TENM2: variants seen among roughly 807,000 people sequenced by gnomAD.
The protein encoded by TENM2 is teneurin-2.
Under a neutral mutation model 245.2 loss-of-function variants are expected in TENM2, and 52 were observed. The observed-to-expected ratio is 0.21, with a 90% confidence interval of 0.17 to 0.27. The LOEUF is 0.27. Ranked by LOEUF, TENM2 falls within the 10% of genes least tolerant of loss-of-function variation. The pLI is 1.00. For missense variants in TENM2, 3,046 were observed against 3,666.8 expected (o/e 0.83, Z 4.37); for synonymous variants, 1,363 against 1,438.9 (o/e 0.95, Z 1.19).
the TENM2 span, among the ~76,000 whole-genome samples, chr5:167,145,843 C>T: frequency 5.3e-5 from 8 of 152,160 alleles, no homozygotes; most frequent in Admixed American, 5.2e-4. Flanking sequence ...CCATGTTCCC[C>T]TTCAGCACCG....
chr5:167,243,610 C>T, the TENM2 span, among the ~76,000 whole-genome samples: 2 of 152,252 alleles, frequency 1.3e-5, no homozygotes, highest in South Asian at 4.1e-4. Context: ...CACTTAGTCA[C>T]CTCCTCTGGA....
At position 167,353,400 on chromosome 5, in the gene TENM2, A is replaced by G. The variant is rs1759062222; in HGVS notation, c.227-21798A>G. Among the ~76,000 whole-genome samples the G allele has an allele frequency of 2.0e-5, 3 of 150,808 alleles. No individual in the cohort carries two copies. In the South Asian group the frequency reaches 6.3e-4, roughly 32 times the overall value. ...AAAGCAGACAAGTAAAAATACACAA[A>G]TTTTTACATACATTTCTCATCTGAT... is the stretch of plus-strand genomic sequence containing the variant. On this transcript the variant is annotated intron_variant, in intron 1 of 28. Coordinates refer to ENST00000518659, the Ensembl canonical transcript of TENM2.
intron 1 of TENM2, among the ~76,000 whole-genome samples, chr5:167,317,670 G>T (rs755205552): frequency 6.6e-6 from 1 of 152,098 alleles, no homozygotes; most frequent in South Asian, 2.1e-4. Flanking sequence ...CACATTCATC[G>T]CATGCACTTG....
chr5:168,125,172 C>T, intron 11 of TENM2, 122 bp downstream of exon 13: 1 of 804,412 alleles, frequency 1.2e-6, no homozygotes, highest in Non-Finnish European at 2.0e-6. Context: ...TTTGATGAAT[C>T]ACATTGTGTC....
intron 7 of TENM2, among the ~76,000 whole-genome samples, chr5:168,077,991 A>C (rs947662429): frequency 6.6e-6 from 1 of 152,198 alleles, no homozygotes; most frequent in African/African-American, 2.4e-5. Context: ...TAGATCCTTG[A>C]GGAATTGCCA....
chr5:167,717,222 CT>C (rs1259341584), intron 2 of TENM2, among the ~76,000 whole-genome samples: 4 of 152,108 alleles, frequency 2.6e-5, no homozygotes, highest in Non-Finnish European at 5.9e-5. Flanking sequence ...TCCCAAAGTG[CT>C]AGGATTACAG....
At chr5:167,510,946 A>T (rs1017143259) in intron 2 of TENM2, among the ~76,000 whole-genome samples, 2 of 122,984 alleles carry the variant, frequency 1.6e-5, no homozygotes, top group Non-Finnish European at 2.1e-5. Context: ...TAATAAAAAA[A>T]AAATAAAAGA....
chr5:167,922,951 C>T (rs1463741549), intron 3 of TENM2, among the ~76,000 whole-genome samples: 1 of 152,208 alleles, frequency 6.6e-6, no homozygotes, highest in African/African-American at 2.4e-5. Context: ...AGGCCGAAAA[C>T]CTGAACTTTC....
At chr5:168,205,909 C>T (rs1298675831) in intron 19 of TENM2, among the ~76,000 whole-genome samples, 4 of 152,114 alleles carry the variant, frequency 2.6e-5, no homozygotes, top group Non-Finnish European at 5.9e-5. Flanking sequence ...GGCAGGAAAA[C>T]CCATAGGGAA....
At chr5:167,465,844 GA>G (rs1766618441) in intron 2 of TENM2, among the ~76,000 whole-genome samples, 1 of 151,566 alleles carries the variant, frequency 6.6e-6, no homozygotes, top group Admixed American at 6.6e-5. Context: ...AAGAAAGAAA[GA>G]AAGAAAGAAA....
chr5:167,856,246 C>T (rs112813045), intron 2 of TENM2, among the ~76,000 whole-genome samples: 1 of 152,064 alleles, frequency 6.6e-6, no homozygotes, highest in Non-Finnish European at 1.5e-5. Context: ...CTCCTGCCCC[C>T]ACTTTGCCAA....
chr5:167,679,863 A>G (rs1223922503), intron 2 of TENM2, among the ~76,000 whole-genome samples: 3 of 152,200 alleles, frequency 2.0e-5, no homozygotes, highest in African/African-American at 7.2e-5. Context: ...TCTAGAATGA[A>G]TGAAGCATTT....
At chr5:167,505,858 G>A (rs1459378188) in intron 2 of TENM2, among the ~76,000 whole-genome samples, 1 of 152,078 alleles carries the variant, frequency 6.6e-6, no homozygotes, top group Non-Finnish European at 1.5e-5. Flanking sequence ...TCATGACCTT[G>A]GATGAAGGAA....
In TENM2 at chr5:167,713,072, G is replaced by A. The variant is rs1251927026; in HGVS notation, c.503-162914G>A. Among the ~76,000 whole-genome samples, 5 of 152,156 alleles carry A rather than the reference G, an allele frequency of 3.3e-5. No individual in the cohort carries two copies. The East Asian group carries it at 5.8e-4, about 18-fold the overall frequency. ...TTCATATATGTGTATACATATGTGCGTGTGTATAGTGTGTATACACATGTA... is the reference window on the plus strand; with the variant it reads ...TTCATATATGTGTATACATATGTGCATGTGTATAGTGTGTATACACATGTA... On this transcript the variant is annotated intron_variant, in intron 2 of 28. Transcript: ENST00000518659.
At chr5:168,102,253 A>G (rs891619601) in intron 9 of TENM2, among the ~76,000 whole-genome samples, 5 of 152,094 alleles carry the variant, frequency 3.3e-5, no homozygotes, top group African/African-American at 1.2e-4. Context: ...TTGTATGTTT[A>G]GTAAAGACGG....
At chr5:166,996,237 T>A in the TENM2 span, among the ~76,000 whole-genome samples, 2 of 151,514 alleles carry the variant, frequency 1.3e-5, no homozygotes, top group African/African-American at 4.9e-5. Flanking sequence ...CGGCTACTTG[T>A]GAGGGTGAGG....
At chr5:167,040,606 C>A in the TENM2 span, among the ~76,000 whole-genome samples, 1 of 151,976 alleles carries the variant, frequency 6.6e-6, no homozygotes, top group Admixed American at 6.5e-5. Context: ...ATGTCTGAAT[C>A]TGGTTTTGAA....
At chr5:167,557,149 G>C (rs1004366082) in intron 2 of TENM2, among the ~76,000 whole-genome samples, 2 of 152,102 alleles carry the variant, frequency 1.3e-5, no homozygotes, top group Non-Finnish European at 1.5e-5. Flanking sequence ...TTTAATTATG[G>C]ATGATCCATA....
chr5:167,648,528 T>A (rs1780116142), intron 2 of TENM2, among the ~76,000 whole-genome samples: 1 of 152,130 alleles, frequency 6.6e-6, no homozygotes, highest in Non-Finnish European at 1.5e-5. Context: ...CTGGACCATA[T>A]GGTCACGTAC....
Sources: gnomAD v4.1 joint callset for allele counts (sites outside exome capture counted in the v4.1 genomes callset) on GRCh38, gnomAD v4.1.1 for gene constraint, MANE v1.5 for transcripts, NCBI Gene and HGNC (gene_info 2026-07-23, HGNC 2026-07-21) for gene names.